Variants in FRMD6 observed in about 807,000 individuals in gnomAD.
The protein encoded by FRMD6 is FERM domain containing 6, also known as FERM domain-containing protein 6.
FRMD6 carries 37 observed loss-of-function variants against 73.2 expected under a neutral mutation model. The ratio of observed to expected loss-of-function variants is 0.51; its 90% confidence interval spans 0.39 to 0.66. The LOEUF is 0.66. FRMD6 is among the 30% of genes least tolerant of loss of function. The probability of loss-of-function intolerance (pLI) is 0.00; values close to 1 mark genes in which losing one functional copy is unlikely to be tolerated. For missense variants in FRMD6, 714 were observed against 780.5 expected, an observed-to-expected ratio of 0.91 and a Z score of 1.02; for synonymous variants, 273 against 282.2, an observed-to-expected ratio of 0.97 and a Z score of 0.33.
intron 1 of FRMD6, among the ~76,000 whole-genome samples, chr14:51,541,750 C>A (rs143061252): frequency 4.6e-5 from 7 of 152,128 alleles, no homozygotes; most frequent in Non-Finnish European, 1.0e-4. Flanking sequence ...TAACCTTGAT[C>A]AGGGAACAGA....
At chr14:51,487,252 A>C (rs1352677529), upstream of FRMD6, among the ~76,000 whole-genome samples, 1 of 152,244 alleles carries the variant, frequency 6.6e-6, no homozygotes, top group Admixed American at 6.5e-5. Context: ...CCTGTAAATG[A>C]ATTGCTTGTT....
intron 1 of FRMD6, among the ~76,000 whole-genome samples, chr14:51,547,243 C>T (rs1234788251): frequency 6.6e-6 from 1 of 152,138 alleles, no homozygotes; most frequent in East Asian, 1.9e-4. Flanking sequence ...ATAAAAAGCA[C>T]AAAACCCTCT....
intron 2 of FRMD6, among the ~76,000 whole-genome samples, chr14:51,646,726 T>C (rs1442228170): frequency 6.6e-6 from 1 of 151,222 alleles, no homozygotes; most frequent in Non-Finnish European, 1.5e-5. Flanking sequence ...TTTTCTGTAC[T>C]AGAGCTCTTC....
chr14:51,619,018 A>G (rs1004578344), intron 2 of FRMD6, among the ~76,000 whole-genome samples: 6 of 151,734 alleles, frequency 4.0e-5, no homozygotes, highest in Non-Finnish European at 5.9e-5. Flanking sequence ...AAGACAAAAA[A>G]TATAATCAAT....
intron 2 of FRMD6, among the ~76,000 whole-genome samples, chr14:51,633,814 C>G (rs1371724771): frequency 6.6e-6 from 1 of 152,106 alleles, no homozygotes; most frequent in African/African-American, 2.4e-5. Flanking sequence ...ACGTACAATA[C>G]TTCACATACT....
chr14:51,719,987 A>G (rs1218369497), intron 10 of FRMD6, 68 bp from the exon 11 acceptor site: 1 of 1,181,882 alleles, frequency 8.5e-7, no homozygotes, highest in Non-Finnish European at 1.2e-6. Flanking sequence ...TCTTGGCCTG[A>G]TGAGTCACTT....
chr14:51,396,690 A>T, the FRMD6 span, among the ~76,000 whole-genome samples: 1 of 152,218 alleles, frequency 6.6e-6, no homozygotes, highest in African/African-American at 2.4e-5. Flanking sequence ...TCCAAGGAGA[A>T]GGCCCAGTTT....
intron 1 of FRMD6, among the ~76,000 whole-genome samples, chr14:51,539,427 T>C (rs1286581196): frequency 1.3e-5 from 2 of 152,208 alleles, no homozygotes; most frequent in Non-Finnish European, 2.9e-5. Context: ...CTCATTATTA[T>C]ATTTTTCAAC....
the FRMD6 span, among the ~76,000 whole-genome samples, chr14:51,406,398 T>C: frequency 1.3e-5 from 2 of 152,212 alleles, no homozygotes; most frequent in African/African-American, 4.8e-5. Flanking sequence ...ATTGAACCTG[T>C]AAATTGCTGT....
intron 1 of FRMD6, among the ~76,000 whole-genome samples, chr14:51,661,404 A>G (rs1001206496): frequency 2.6e-5 from 4 of 152,200 alleles, no homozygotes; most frequent in African/African-American, 7.2e-5. Context: ...TTGAGTAACA[A>G]TGTTATCACT....
intron 11 of FRMD6, among the ~76,000 whole-genome samples, chr14:51,721,550 C>T (rs1307918696): frequency 6.7e-6 from 1 of 148,510 alleles, no homozygotes; most frequent in Non-Finnish European, 1.5e-5. Context: ...GCGGAGGTTG[C>T]AGTGAGCGGA....
intron 1 of FRMD6, among the ~76,000 whole-genome samples, chr14:51,555,092 A>G (rs1887053812): frequency 6.6e-6 from 1 of 152,208 alleles, no homozygotes. Flanking sequence ...TGTCTCAAGT[A>G]GCTTTCTTGG....
chr14:51,551,779 C>T, intron 1 of FRMD6, among the ~76,000 whole-genome samples: 1 of 151,658 alleles, frequency 6.6e-6, no homozygotes, highest in South Asian at 2.1e-4. Context: ...ATATGTAATA[C>T]ATTTTATACA....
At chr14:51,608,611 G>C (rs190623186) in intron 2 of FRMD6, among the ~76,000 whole-genome samples, 26 of 152,176 alleles carry the variant, frequency 1.7e-4, no homozygotes, top group Admixed American at 1.6e-3. Context: ...GCTTGCAGTA[G>C]CTGTGAACCT....
At chr14:51,676,259 G>A (rs1430970904) in intron 1 of FRMD6, among the ~76,000 whole-genome samples, 6 of 152,122 alleles carry the variant, frequency 3.9e-5, no homozygotes, top group African/African-American at 1.2e-4. Flanking sequence ...ATCTGATACA[G>A]TGATAAATTT....
Position 51,573,019 on chromosome 14 carries a change from A to C in FRMD6, c.-147+2609A>C, listed in dbSNP as rs541691054. The stretch of plus-strand genomic sequence containing the variant: ...ACAACACTTTCCTCACCCTACCCCC[A>C]CACACAAAAATCATCTGAGAGAAGG... On this transcript the variant is annotated intron_variant, in intron 2 of 14. Transcript: ENST00000356218. Among the ~76,000 whole-genome samples, 169 of 152,284 alleles carry C rather than the reference A, an allele frequency of 1.1e-3. 5 individuals carry two copies. In the South Asian group the frequency reaches 0.031, roughly 28 times the overall value.
chr14:51,537,986 C>T (rs1885990619), intron 1 of FRMD6, among the ~76,000 whole-genome samples: 1 of 152,124 alleles, frequency 6.6e-6, no homozygotes, highest in South Asian at 2.1e-4. Context: ...GTATCTTTCA[C>T]AGAGCAGAAG....
At chr14:51,648,701 C>T (rs527627156), upstream of FRMD6, among the ~76,000 whole-genome samples, 16 of 152,324 alleles carry the variant, frequency 1.1e-4, no homozygotes, top group African/African-American at 3.6e-4. Flanking sequence ...TAACTGTTAA[C>T]TCACGTGTCT....
chr14:51,621,618 C>A (rs565965539), intron 2 of FRMD6, among the ~76,000 whole-genome samples: 37 of 152,298 alleles, frequency 2.4e-4, no homozygotes, highest in Middle Eastern at 6.8e-3. Flanking sequence ...CTTACAGATT[C>A]TTGCATCTCT....
Sources: allele counts gnomAD v4.1 joint callset (sites outside exome capture counted in the v4.1 genomes callset), GRCh38; gene constraint gnomAD v4.1.1; transcripts MANE v1.5; gene names NCBI Gene and HGNC (gene_info 2026-07-23, HGNC 2026-07-21).